The following VPS36 variants were observed in gnomAD, a reference collection of about 807,000 sequenced individuals.
VPS36 encodes vacuolar protein sorting 36 homolog, also known as vacuolar protein-sorting-associated protein 36.
Under a neutral mutation model 63.5 loss-of-function variants are expected in VPS36, and 31 were observed. The observed-to-expected ratio is 0.49, with a 90% CI of 0.37 to 0.66. VPS36 has a LOEUF of 0.66. Among genes scored for constraint, VPS36 ranks in the 30% least tolerant of loss-of-function variants. The pLI is 0.00. For synonymous variants in VPS36, 138 were observed against 157.2 expected, an observed-to-expected ratio of 0.88 and a Z score of 0.91; for missense variants, 338 against 463.7, an observed-to-expected ratio of 0.73 and a Z score of 2.49.
intron 1 of VPS36, among the ~76,000 whole-genome samples, chr13:52,446,971 G>A (rs182478268): frequency 1.1e-3 from 162 of 151,616 alleles, no homozygotes; most frequent in African/African-American, 3.7e-3. Flanking sequence ...TGCCATCCGG[G>A]TTCAAGCCAT....
rs1957958796 is a variant in VPS36 at position 52,412,647 on chromosome 13, A to C, written c.*3183T>G. On this transcript the variant is annotated 3_prime_UTR_variant, in exon 14 of 14. Coordinates refer to ENST00000378060, the MANE Select transcript of VPS36 (RefSeq NM_016075.4). ...TGTTTTTTTTATTGAATTGAATGGG[A>C]GCTAAAGTAGGATAAAGTGGAGCCA... The C allele has an allele frequency of 6.6e-6, 1 of 152,222 alleles. No individual in the cohort carries two copies. Among genetic ancestry groups the C allele is most frequent in the Admixed American group, 6.5e-5 (1 of 15,284 alleles). 9.4% of individuals were successfully genotyped at this position (152,222 alleles called of 1,614,324 possible). A position where few individuals can be genotyped will look rare whatever the true frequency, so the allele number is the denominator to read the frequency against.
intron 9 of VPS36, among the ~76,000 whole-genome samples, chr13:52,424,283 C>T (rs147705396): frequency 9.2e-5 from 14 of 152,254 alleles, no homozygotes; most frequent in Non-Finnish European, 1.6e-4. Context: ...TTAAATAAGA[C>T]TATTACCATT....
intron 10 of VPS36, among the ~76,000 whole-genome samples, chr13:52,421,905 TG>T (rs1459090646): frequency 6.6e-6 from 1 of 152,138 alleles, no homozygotes; most frequent in Non-Finnish European, 1.5e-5. Context: ...ATGCATAAAA[TG>T]TGTAATGATC....
intron 3 of VPS36, among the ~76,000 whole-genome samples, chr13:52,437,851 A>G (rs1958234532): frequency 6.6e-6 from 1 of 151,958 alleles, no homozygotes. Flanking sequence ...AATGGCGTGA[A>G]CCTGGGAGGC....
At chr13:52,434,618 A>T (rs1282950755) in intron 5 of VPS36, among the ~76,000 whole-genome samples, 175 bp downstream of exon 5, 1 of 152,146 alleles carries the variant, frequency 6.6e-6, no homozygotes, top group Non-Finnish European at 1.5e-5. Context: ...TTGGCCTCCC[A>T]AAGTAGTGGG....
At chr13:52,418,122 T>C (rs45495899) in intron 10 of VPS36, 66 bp from the exon 11 acceptor site, 113,392 of 1,347,752 alleles carry the variant, frequency 0.084, 5,445 homozygotes, top group Middle Eastern at 0.11. Context: ...GAAGAGTATA[T>C]TTTAAAATTA....
intron 1 of VPS36, among the ~76,000 whole-genome samples, chr13:52,448,463 G>A (rs1273548516): frequency 6.6e-6 from 1 of 152,150 alleles, no homozygotes; most frequent in East Asian, 1.9e-4. Flanking sequence ...CCAGCTTTGG[G>A]GCACAGTGGT....
intron 1 of VPS36, chr13:52,450,059 A>G (rs919470890): frequency 5.7e-5 from 56 of 987,596 alleles, no homozygotes; most frequent in Middle Eastern, 5.2e-4. Flanking sequence ...CGCCCTCCTC[A>G]CAGAAAGGCG....
At chr13:52,426,566 C>T (rs576670758) in intron 8 of VPS36, among the ~76,000 whole-genome samples, 1 of 152,272 alleles carries the variant, frequency 6.6e-6, no homozygotes, top group Non-Finnish European at 1.5e-5. Flanking sequence ...TTCACATATC[C>T]TCAAGTCCTA....
chr13:52,413,252 A>G lies in VPS36; in HGVS notation c.*2578T>C, dbSNP rs1957963573. The G allele has an allele frequency of 6.6e-6, 1 of 152,272 alleles. No individual in the cohort carries two copies. Among genetic ancestry groups the G allele is most frequent in the Non-Finnish European group, 1.5e-5 (1 of 68,046 alleles). The allele number at this position is 152,272 out of a possible 1,614,324, so 9.4% of individuals were successfully genotyped here. ...CTGGTAACAAGGAACAAGAAAGAGT[A>G]CATTCATCTGAATATACATGGTCAG... On this transcript the variant is annotated 3_prime_UTR_variant, in exon 14 of 14. Coordinates refer to ENST00000378060, the MANE Select transcript of VPS36 (RefSeq NM_016075.4).
intron 1 of VPS36, among the ~76,000 whole-genome samples, chr13:52,448,613 T>C (rs1958368999): frequency 1.3e-5 from 2 of 152,256 alleles, no homozygotes; most frequent in Non-Finnish European, 2.9e-5. Context: ...TGTCTGCTAA[T>C]ACAAGCAGCA....
Position 52,415,719 on chromosome 13 carries a change from G to T in VPS36, c.*111C>A. ...AATTAAAAGAGATTTACATTGCACT[G>T]TGAAGTTCCAATAAATTCTCAATTG... On this transcript the variant is annotated 3_prime_UTR_variant, in exon 14 of 14. Transcript: ENST00000378060. The T allele has an allele frequency of 2.0e-6, 2 of 1,006,158 alleles. No individual in the cohort carries two copies. The highest frequency in any genetic ancestry group is 3.0e-6 in the Non-Finnish European group (2 of 658,602). 62.3% of individuals were successfully genotyped at this position (1,006,158 alleles called of 1,614,324 possible). A position where few individuals can be genotyped will look rare whatever the true frequency, so the allele number is the denominator to read the frequency against.
In VPS36 at chr13:52,442,459, GCATCA is replaced by G. The variant is rs1958289960; in HGVS notation, c.97-19_97-15del. 6.2e-7 allele frequency: 1 copy of G among 1,605,590 alleles called. No homozygotes were observed. Among genetic ancestry groups the G allele is most frequent in the Admixed American group, 1.7e-5 (1 of 58,492 alleles). The stretch of plus-strand genomic sequence containing the variant: ...ATCAAATTTTATCTAGAAAGAAAGA[GCATCA>G]CAAAATATTAATAACATATCACTCA... On this transcript the variant is annotated splice_polypyrimidine_tract_variant and intron_variant, in intron 1 of 13. Coordinates refer to ENST00000378060, the MANE Select transcript of VPS36 (RefSeq NM_016075.4).
intron 6 of VPS36, among the ~76,000 whole-genome samples, chr13:52,428,691 A>AT (rs1958127454): frequency 6.6e-6 from 1 of 152,290 alleles, no homozygotes; most frequent in Non-Finnish European, 1.5e-5. Context: ...TAAAACACAC[A>AT]TTTTGCACAC....
At chr13:52,447,685 A>G (rs1958359289) in intron 1 of VPS36, among the ~76,000 whole-genome samples, 1 of 152,198 alleles carries the variant, frequency 6.6e-6, no homozygotes, top group Non-Finnish European at 1.5e-5. Context: ...CAGTTTTCTC[A>G]GCTATCACCT....
At chr13:52,448,736 G>A (rs972053037) in intron 1 of VPS36, among the ~76,000 whole-genome samples, 6 of 152,206 alleles carry the variant, frequency 3.9e-5, no homozygotes, top group Non-Finnish European at 5.9e-5. Context: ...TATACTGCCT[G>A]CCAGCAAAGG....
At chr13:52,436,252 C>T in intron 4 of VPS36, 38 bp downstream of exon 4, 9 of 1,419,658 alleles carry the variant, frequency 6.3e-6, no homozygotes, top group Non-Finnish European at 8.8e-6. Flanking sequence ...CACACACACA[C>T]ACCTTTCTAG....
chr13:52,433,890 T>C (rs1958185614), intron 5 of VPS36, 142 bp from the exon 6 acceptor site: 3 of 639,602 alleles, frequency 4.7e-6, no homozygotes, highest in Non-Finnish European at 8.0e-6. Flanking sequence ...GACATTTAGC[T>C]TCCCTTCAAA....
chr13:52,438,055 T>C (rs898626523), intron 3 of VPS36, among the ~76,000 whole-genome samples: 2 of 152,180 alleles, frequency 1.3e-5, no homozygotes, highest in African/African-American at 2.4e-5. Flanking sequence ...AAGAGAATAC[T>C]TGAAAAGTAA....
Sources: gnomAD v4.1 joint callset for allele counts (sites outside exome capture counted in the v4.1 genomes callset) on GRCh38, gnomAD v4.1.1 for gene constraint, MANE v1.5 for transcripts, NCBI Gene and HGNC (gene_info 2026-07-23, HGNC 2026-07-21) for gene names.